Variants in USP7 observed in about 807,000 individuals in gnomAD.
USP7 encodes ubiquitin C-terminal hydrolase 7.
Under a neutral mutation model 162.9 loss-of-function variants are expected in USP7, and 9 were observed. The ratio of observed to expected loss-of-function variants is 0.06; its 90% CI spans 0.03 to 0.10. USP7 has a LOEUF of 0.10. Ranked by LOEUF, USP7 falls within the 10% of genes least tolerant of loss-of-function variation. USP7 has a pLI of 1.00. For missense variants in USP7, 715 were observed against 1,373.7 expected (o/e 0.52, Z 7.58); for synonymous variants, 562 against 475.9 (o/e 1.18, Z -2.35).
chr16:8,949,367 A>C lies in USP7; in HGVS notation c.79+13840T>G, dbSNP rs112011807. ...TGATTGTTGGGTACTATGTAGGGAA[A>C]AACTACTGTTCGAGGCATTGAAAAT... On this transcript the variant is annotated intron_variant, in intron 1 of 30. Transcript: ENST00000344836. Among the ~76,000 whole-genome samples, 369 of 152,348 alleles carry C rather than the reference A, an allele frequency of 2.4e-3. 2 individuals are homozygous for C. Among genetic ancestry groups the C allele is most frequent in the African/African-American group, 7.5e-3 (311 of 41,572 alleles).
At chr16:8,899,805 G>A in intron 21 of USP7, 48 bp from the exon 22 acceptor site, 1 of 1,607,078 alleles carries the variant, frequency 6.2e-7, no homozygotes, top group Non-Finnish European at 8.5e-7. Flanking sequence ...CCATGGCAGG[G>A]GGTAGCTGGT....
intron 2 of USP7, 144 bp from the exon 3 acceptor site, chr16:8,923,557 A>C: frequency 1.2e-6 from 1 of 846,944 alleles, no homozygotes; most frequent in Non-Finnish European, 1.8e-6. Flanking sequence ...CCAATTTATT[A>C]AAACCCGAAG....
chr16:8,897,716 A>ATATAT (rs1596350235), intron 25 of USP7, among the ~76,000 whole-genome samples: 118 of 46,034 alleles, frequency 2.6e-3, no homozygotes, highest in Non-Finnish European at 3.9e-3. Flanking sequence ...AAAAAAAAAA[A>ATATAT]AAAAAAAAAA....
intron 25 of USP7, among the ~76,000 whole-genome samples, chr16:8,897,722 A>ATTT (rs71155415): frequency 4.6e-5 from 1 of 21,630 alleles, no homozygotes; most frequent in South Asian, 2.7e-3. Context: ...AAAAAAAAAA[A>ATTT]AAAAATATAT....
Position 8,908,268 on chromosome 16 carries a change from G to C in USP7, c.1271+73C>G, listed in dbSNP as rs538527734. ...GTGGGACTGAAAATATAAAGACTGA[G>C]GAAAGCACTGAGACTAACCCCCTAG... is the stretch of plus-strand genomic sequence containing the variant. On this transcript the variant is annotated intron_variant, in intron 12 of 30. Transcript: ENST00000344836. The C allele has an allele frequency of 1.1e-5, 13 of 1,215,608 alleles. No individual in the cohort carries two copies. The South Asian group carries it at 1.5e-4, about 14-fold the overall frequency. 75.3% of individuals were successfully genotyped at this position (1,215,608 alleles called of 1,614,324 possible). A position where few individuals can be genotyped will look rare whatever the true frequency, so the allele number is the denominator to read the frequency against.
rs147822927 is a variant in USP7 at position 8,896,927 on chromosome 16, C to T, written c.2819+72G>A. On this transcript the variant is annotated intron_variant, in intron 26 of 30. Coordinates refer to ENST00000344836, the MANE Select transcript of USP7 (RefSeq NM_003470.3). ...ATCCCAGCTGGGTGATTTCCACCAA[C>T]GCAACTGCAGAGGTCAGCGTTAACT... 5.1e-3 allele frequency: 5,985 copies of T among 1,167,128 alleles called. 23 individuals carry two copies. Among genetic ancestry groups the T allele is most frequent in the Non-Finnish European group, 5.6e-3 (4,334 of 777,686 alleles). 72.3% of individuals were successfully genotyped at this position (1,167,128 alleles called of 1,614,324 possible). A position where few individuals can be genotyped will look rare whatever the true frequency, so the allele number is the denominator to read the frequency against.
At chr16:8,938,464 G>A (rs1898877725) in intron 1 of USP7, among the ~76,000 whole-genome samples, 1 of 152,128 alleles carries the variant, frequency 6.6e-6, no homozygotes, top group Non-Finnish European at 1.5e-5. Context: ...TGTAATCCCA[G>A]CACTGTAGGA....
At chr16:8,926,242 C>T (rs536614824) in intron 2 of USP7, among the ~76,000 whole-genome samples, 2 of 152,058 alleles carry the variant, frequency 1.3e-5, no homozygotes, top group South Asian at 2.1e-4. Flanking sequence ...CTTTGGGAGG[C>T]AGAGGCGGGC....
intron 1 of USP7, chr16:8,936,689 A>T: frequency 6.6e-7 from 1 of 1,503,912 alleles, no homozygotes; most frequent in East Asian, 2.5e-5. Flanking sequence ...GACTGCATAG[A>T]ATCTCTAGGA....
chr16:8,932,539 G>T (rs1249614399), intron 1 of USP7, among the ~76,000 whole-genome samples: 2 of 152,160 alleles, frequency 1.3e-5, no homozygotes, highest in Admixed American at 1.3e-4. Context: ...CAAGACACAG[G>T]ATGGAGAGAA....
At chr16:8,924,528 G>C (rs147387024) in intron 2 of USP7, among the ~76,000 whole-genome samples, 1 of 152,330 alleles carries the variant, frequency 6.6e-6, no homozygotes, top group African/African-American at 2.4e-5. Flanking sequence ...TGACCACCAG[G>C]CTCCTAAGGC....
chr16:8,938,905 G>A (rs1027908515), intron 1 of USP7, among the ~76,000 whole-genome samples: 13 of 152,168 alleles, frequency 8.5e-5, no homozygotes, highest in African/African-American at 2.7e-4. Context: ...ATACTACACT[G>A]TTTTGTATGA....
At chr16:8,927,541 C>T (rs150807372) in intron 2 of USP7, among the ~76,000 whole-genome samples, 13 of 152,194 alleles carry the variant, frequency 8.5e-5, no homozygotes, top group Non-Finnish European at 1.8e-4. Flanking sequence ...CTTCAGAGGC[C>T]GTATTTGCTC....
At chr16:8,960,520 C>G (rs1342463001) in intron 1 of USP7, among the ~76,000 whole-genome samples, 1 of 152,228 alleles carries the variant, frequency 6.6e-6, no homozygotes, top group African/African-American at 2.4e-5. Flanking sequence ...CAGGCTCCTT[C>G]GAAACCACTC....
At chr16:8,962,596 G>C (rs992714491) in intron 1 of USP7, 1 of 315,102 alleles carries the variant, frequency 3.2e-6, no homozygotes, top group African/African-American at 2.2e-5. Flanking sequence ...CAAACTCCCC[G>C]AAAAACAGGT....
At chr16:8,947,020 C>T (rs1380661325) in intron 1 of USP7, among the ~76,000 whole-genome samples, 2 of 152,164 alleles carry the variant, frequency 1.3e-5, no homozygotes, top group Non-Finnish European at 2.9e-5. Flanking sequence ...TAAGTTACCA[C>T]TTGTTTTGCT....
rs529974365 is a variant in USP7, at chr16:8,905,748, C to A, written c.1429-417G>T. Among the ~76,000 whole-genome samples the A allele has an allele frequency of 5.3e-5, 8 of 152,340 alleles. No individual in the cohort carries two copies. In the South Asian group the frequency reaches 1.7e-3, roughly 32 times the overall value. ...ATCAAACTAAATGAGCTGTTTTATC[C>A]TATCCCATGGCATTTTATGGAAGCA... is the stretch of plus-strand genomic sequence containing the variant. On this transcript the variant is annotated intron_variant, in intron 13 of 30. Transcript: ENST00000344836.
chr16:8,909,780 G>A (rs2141188439), intron 11 of USP7, among the ~76,000 whole-genome samples: 1 of 152,292 alleles, frequency 6.6e-6, no homozygotes, highest in South Asian at 2.1e-4. Flanking sequence ...ACAAAAATTA[G>A]TTGGGCATAG....
chr16:8,925,239 C>A (rs1426452941), intron 2 of USP7, among the ~76,000 whole-genome samples: 5 of 152,166 alleles, frequency 3.3e-5, no homozygotes, highest in Admixed American at 3.3e-4. Context: ...TGCACAGTGA[C>A]CTGACTCTGG....
Sources: allele counts gnomAD v4.1 joint callset (sites outside exome capture counted in the v4.1 genomes callset), GRCh38; gene constraint gnomAD v4.1.1; transcripts MANE v1.5; gene names NCBI Gene and HGNC (gene_info 2026-07-23, HGNC 2026-07-21).